Variants in MAPKAP1 observed in about 807,000 individuals in gnomAD.
The protein encoded by MAPKAP1 is target of rapamycin complex 2 subunit MAPKAP1.
Under a neutral mutation model 65.7 loss-of-function variants are expected in MAPKAP1, and 20 were observed. That is an observed-to-expected ratio of 0.30 (90% CI 0.21 to 0.44). The LOEUF (loss-of-function observed/expected upper bound fraction) is 0.44. Among genes scored for constraint, MAPKAP1 ranks in the 20% least tolerant of loss-of-function variants. The pLI is 1.00. For missense variants in MAPKAP1, 423 were observed against 648.0 expected, an observed-to-expected ratio of 0.65 and a Z score of 3.77; for synonymous variants, 222 against 244.3, an observed-to-expected ratio of 0.91 and a Z score of 0.85.
At chr9:125,691,103 T>C (rs1339161569) in intron 1 of MAPKAP1, among the ~76,000 whole-genome samples, 2 of 151,862 alleles carry the variant, frequency 1.3e-5, no homozygotes, top group East Asian at 1.9e-4. Flanking sequence ...CTACTAAAAA[T>C]AGAAAAAATT....
chr9:125,576,546 C>A (rs1348789250), intron 5 of MAPKAP1, among the ~76,000 whole-genome samples: 1 of 152,186 alleles, frequency 6.6e-6, no homozygotes, highest in Non-Finnish European at 1.5e-5. Context: ...CCCTCTCTTT[C>A]CACGGTCTCC....
intron 6 of MAPKAP1, 23 bp downstream of exon 6, chr9:125,559,610 G>A (rs781071132): frequency 2.0e-5 from 32 of 1,583,434 alleles, no homozygotes; most frequent in Middle Eastern, 1.7e-4. Flanking sequence ...GATACCGAGA[G>A]AAGTAATAGA....
intron 10 of MAPKAP1, among the ~76,000 whole-genome samples, chr9:125,462,930 A>T (rs192897565): frequency 1.3e-5 from 2 of 152,352 alleles, no homozygotes; most frequent in Admixed American, 1.3e-4. Flanking sequence ...GTGTACCAAC[A>T]TCAATCAAAA....
At chr9:125,512,738 T>G (rs1166407974) in intron 7 of MAPKAP1, among the ~76,000 whole-genome samples, 1 of 151,926 alleles carries the variant, frequency 6.6e-6, no homozygotes, top group South Asian at 2.1e-4. Context: ...CCCGCCACCA[T>G]GCCCGGCTAA....
rs1589189843 is a variant in MAPKAP1 at position 125,439,020 on chromosome 9, CAA to C, written c.1444-10_1444-9del. 6.2e-7 allele frequency: 1 copy of C among 1,612,954 alleles called. No homozygotes were observed. The highest frequency in any genetic ancestry group is 8.5e-7 in the Non-Finnish European group (1 of 1,179,816). ...TTCCAGGATGTAGTTAACCTAGAAA[CAA>C]GAGCACACAGCCCGGTCACCTTGCC... On this transcript the variant is annotated splice_polypyrimidine_tract_variant and intron_variant, in intron 11 of 11. Transcript: ENST00000265960. The surrounding 1 kb of genome is among the most constrained non-coding windows in gnomAD (Gnocchi z 4.0).
chr9:125,444,607 A>G lies in MAPKAP1; in HGVS notation c.1346-9T>C, dbSNP rs1852629234. On this transcript the variant is annotated splice_polypyrimidine_tract_variant and intron_variant, in intron 10 of 11. Transcript: ENST00000265960. The stretch of plus-strand genomic sequence containing the variant: ...TTTAAATATTGCGTGACCTGCAGAG[A>G]CAGAAAACTGTGTTGAGGGGTTCTG... 6.2e-7 allele frequency: 1 copy of G among 1,603,498 alleles called. No homozygotes were observed. Among genetic ancestry groups the G allele is most frequent in the South Asian group, 1.1e-5 (1 of 90,556 alleles).
At chr9:125,663,468 C>T (rs1157050419) in intron 3 of MAPKAP1, among the ~76,000 whole-genome samples, 1 of 152,106 alleles carries the variant, frequency 6.6e-6, no homozygotes. Flanking sequence ...TTCCTTATCC[C>T]CCTTACCTGG....
chr9:125,693,402 G>A (rs1289082848), intron 1 of MAPKAP1, among the ~76,000 whole-genome samples: 5 of 127,980 alleles, frequency 3.9e-5, no homozygotes, highest in Non-Finnish European at 8.1e-5. Flanking sequence ...TAACAAGAGC[G>A]AAATTCCGCC....
rs187867617 is a variant in MAPKAP1, at chr9:125,462,919, C to T, written c.1345+5053G>A. On this transcript the variant is annotated intron_variant, in intron 10 of 11. Transcript: ENST00000265960. ...TGGAATTCAATGGGAAAGACTGACTCGTGTACCAACATCAATCAAAATGTC... is the reference window on the plus strand; with the variant it reads ...TGGAATTCAATGGGAAAGACTGACTTGTGTACCAACATCAATCAAAATGTC... 1.9e-3 allele frequency among the ~76,000 whole-genome samples: 285 copies of T among 152,298 alleles called. 3 individuals carry two copies. Among genetic ancestry groups the T allele is most frequent in the Middle Eastern group, 0.017 (5 of 294 alleles).
intron 1 of MAPKAP1, among the ~76,000 whole-genome samples, chr9:125,699,401 G>A (rs1835529677): frequency 6.6e-6 from 1 of 151,996 alleles, no homozygotes; most frequent in African/African-American, 2.4e-5. Context: ...GTAGAGACAA[G>A]GTCTTGCTGT....
intron 4 of MAPKAP1, among the ~76,000 whole-genome samples, chr9:125,597,749 C>CGATGTAAT (rs1470669827): frequency 6.6e-6 from 1 of 152,134 alleles, no homozygotes; most frequent in Non-Finnish European, 1.5e-5. Context: ...TGTATCCAGA[C>CGATGTAAT]GATGTAATGA....
chr9:125,624,302 T>A (rs1833016257), intron 4 of MAPKAP1, among the ~76,000 whole-genome samples: 1 of 17,304 alleles, frequency 5.8e-5, no homozygotes, highest in Non-Finnish European at 1.9e-4. Flanking sequence ...GGAGCCCCTC[T>A]GCCCGGCCAG....
At chr9:125,522,860 T>A (rs1829659039) in intron 7 of MAPKAP1, among the ~76,000 whole-genome samples, 1 of 152,230 alleles carries the variant, frequency 6.6e-6, no homozygotes, top group African/African-American at 2.4e-5. Context: ...GTTCAGTGCA[T>A]ATATGTCCTG....
At chr9:125,551,113 G>T (rs1440995757) in intron 6 of MAPKAP1, among the ~76,000 whole-genome samples, 2 of 152,134 alleles carry the variant, frequency 1.3e-5, no homozygotes, top group Non-Finnish European at 2.9e-5. Context: ...GATAAAAAAA[G>T]AAATAAATGA....
intron 3 of MAPKAP1, among the ~76,000 whole-genome samples, chr9:125,659,966 T>C (rs894723111): frequency 2.0e-5 from 3 of 152,324 alleles, no homozygotes; most frequent in East Asian, 3.9e-4. Flanking sequence ...TTACAAGATG[T>C]CTTGGCAGCA....
rs530072538 is a variant in MAPKAP1 at position 125,643,215 on chromosome 9, G to A, written c.498+14436C>T. Among the ~76,000 whole-genome samples, 279 of 150,328 alleles carry A rather than the reference G, an allele frequency of 1.9e-3. 1 individual carries two copies. Among genetic ancestry groups the A allele is most frequent in the African/African-American group, 6.2e-3 (252 of 40,920 alleles). On this transcript the variant is annotated intron_variant, in intron 4 of 11. Coordinates refer to ENST00000265960, the MANE Select transcript of MAPKAP1 (RefSeq NM_001006617.3). ...ACGCCCAGCGTTTTTTTTTTGGGGG[G>A]AGGGAGTCTCACTCTGTCACCCAGG...
chr9:125,606,429 G>A (rs1482385379), intron 4 of MAPKAP1, among the ~76,000 whole-genome samples: 1 of 152,138 alleles, frequency 6.6e-6, no homozygotes, highest in African/African-American at 2.4e-5. Context: ...AGACCCTTAA[G>A]CAAGATTGAC....
rs139800233 is a variant in MAPKAP1, at chr9:125,488,759, G to A, written c.1067-4176C>T. Among the ~76,000 whole-genome samples the A allele has an allele frequency of 3.4e-4, 52 of 152,326 alleles. 1 individual carries two copies. The highest frequency in any genetic ancestry group is 6.2e-4 in the South Asian group (3 of 4,828). On this transcript the variant is annotated intron_variant, in intron 8 of 11. Coordinates refer to ENST00000265960, the MANE Select transcript of MAPKAP1 (RefSeq NM_001006617.3). ...TGCCCATGCTAGCAGTATGCTAGAC[G>A]GTGGGGGACACTGGTGAGGATAAAG...
chr9:125,499,384 A>G (rs1674956979), intron 8 of MAPKAP1, among the ~76,000 whole-genome samples: 1 of 152,250 alleles, frequency 6.6e-6, no homozygotes, highest in African/African-American at 2.4e-5. Context: ...ATCCTTTTAA[A>G]AGCCTTTAAA....
Sources: allele counts gnomAD v4.1 joint callset (sites outside exome capture counted in the v4.1 genomes callset), GRCh38; gene constraint gnomAD v4.1.1; non-coding constraint Gnocchi (gnomAD v3.1); transcripts MANE v1.5; gene names NCBI Gene and HGNC (gene_info 2026-07-23, HGNC 2026-07-21).